Variants in SULF1 observed in about 807,000 individuals in gnomAD.
SULF1 encodes the protein sulfatase 1.
In SULF1, 46 loss-of-function variants were observed where a neutral mutation model predicts 110.5. The ratio of observed to expected loss-of-function variants is 0.42; its 90% CI spans 0.33 to 0.53. The LOEUF (loss-of-function observed/expected upper bound fraction) is 0.53. Among genes scored for constraint, SULF1 ranks in the 20% least tolerant of loss-of-function variants. The pLI is 0.12. For missense variants in SULF1, 941 were observed against 1,094.2 expected, an observed-to-expected ratio of 0.86 and a Z score of 1.98; for synonymous variants, 371 against 387.1, an observed-to-expected ratio of 0.96 and a Z score of 0.49.
chr8:69,642,083 G>A (rs1811522552), intron 22 of SULF1: 2 of 390,214 alleles, frequency 5.1e-6, no homozygotes, highest in Non-Finnish European at 7.0e-6. Flanking sequence ...ATCCACTTGG[G>A]AGAAAAACAT....
chr8:69,649,866 C>G (rs983544477), intron 22 of SULF1, among the ~76,000 whole-genome samples: 1 of 147,442 alleles, frequency 6.8e-6, no homozygotes, highest in Non-Finnish European at 1.5e-5. Context: ...AGTAATTCAT[C>G]TACCAGCTTT....
upstream of SULF1, among the ~76,000 whole-genome samples, chr8:69,491,151 G>A (rs898479652): frequency 6.6e-6 from 1 of 152,158 alleles, no homozygotes; most frequent in Admixed American, 6.5e-5. Context: ...CACCACGGTC[G>A]ATCCAACTAG....
intron 5 of SULF1, among the ~76,000 whole-genome samples, chr8:69,565,929 G>A (rs1005640823): frequency 6.6e-6 from 1 of 151,830 alleles, no homozygotes; most frequent in African/African-American, 2.4e-5. Context: ...CATCCCCTCT[G>A]CCTTTTCCTC....
intron 13 of SULF1, among the ~76,000 whole-genome samples, chr8:69,608,743 C>T (rs182259185): frequency 1.5e-3 from 221 of 152,200 alleles, no homozygotes; most frequent in Non-Finnish European, 2.6e-3. Flanking sequence ...AGAGACTTGG[C>T]ATCACTTCTT....
intron 22 of SULF1, among the ~76,000 whole-genome samples, chr8:69,650,413 C>T (rs1286892332): frequency 2.6e-5 from 4 of 152,076 alleles, no homozygotes; most frequent in African/African-American, 7.2e-5. Flanking sequence ...GGGAGGAATA[C>T]GTGCTTGAGC....
chr8:69,536,225 G>A (rs1813424936), intron 3 of SULF1, among the ~76,000 whole-genome samples: 1 of 152,156 alleles, frequency 6.6e-6, no homozygotes. Context: ...TCTGTTTGGT[G>A]TCAGTGAAGG....
chr8:69,588,858 G>A (rs1586483358), intron 7 of SULF1, 114 bp from the exon 8 acceptor site: 1 of 1,032,730 alleles, frequency 9.7e-7, no homozygotes, highest in South Asian at 1.6e-5. Flanking sequence ...CCTTCCTGCT[G>A]TAGACCTTGC....
chr8:69,538,057 G>A (rs1480407113), intron 3 of SULF1, among the ~76,000 whole-genome samples: 3 of 151,808 alleles, frequency 2.0e-5, no homozygotes, highest in Non-Finnish European at 4.4e-5. Context: ...GCCCCCCGGG[G>A]TTCACGCCAT....
chr8:69,586,303 T>G (rs1586476482), intron 6 of SULF1, 54 bp from the exon 7 acceptor site: 3 of 1,493,980 alleles, frequency 2.0e-6, no homozygotes, highest in Non-Finnish European at 2.7e-6. Flanking sequence ...CTTATCCATT[T>G]ATTTATGATT....
intron 19 of SULF1, among the ~76,000 whole-genome samples, chr8:69,636,018 G>A (rs1810965914): frequency 6.6e-6 from 1 of 152,144 alleles, no homozygotes; most frequent in East Asian, 1.9e-4. Context: ...TGTCTCAAGA[G>A]GTAGCTTTGG....
intron 3 of SULF1, among the ~76,000 whole-genome samples, chr8:69,543,945 G>A (rs1371057862): frequency 6.6e-6 from 1 of 152,174 alleles, no homozygotes; most frequent in Non-Finnish European, 1.5e-5. Context: ...CCAGTGTGCT[G>A]TATATAATCA....
chr8:69,630,013 A>G (rs930352068), intron 19 of SULF1, among the ~76,000 whole-genome samples: 15 of 152,166 alleles, frequency 9.9e-5, no homozygotes, highest in African/African-American at 3.6e-4. Flanking sequence ...CCGTAAATGG[A>G]TGAACAATTT....
At chr8:69,485,786 C>T (rs191400970) in intron 1 of SULF1, among the ~76,000 whole-genome samples, 16 of 152,298 alleles carry the variant, frequency 1.1e-4, no homozygotes, top group Non-Finnish European at 1.6e-4. Flanking sequence ...TATGCCTCTA[C>T]GTACTTACAA....
chr8:69,523,006 A>C (rs190119696), intron 3 of SULF1, among the ~76,000 whole-genome samples: 302 of 152,314 alleles, frequency 2.0e-3, no homozygotes, highest in African/African-American at 7.1e-3. Context: ...AAGCACAGTA[A>C]AATATGTGTT....
rs374058291 is a variant in SULF1 at position 69,589,049 on chromosome 8, C to T, written c.642C>T (p.Pro214=). The T allele has an allele frequency of 7.4e-6, 12 of 1,614,060 alleles. No individual in the cohort carries two copies. The highest frequency in any genetic ancestry group is 6.7e-5 in the Admixed American group (4 of 60,006). The change falls in exon 8 of 23, where the codon CCC becomes CCT. Residue 214 remains proline, a synonymous_variant. Transcript: ENST00000402687. ...CTAAGAGAATGTATCCCCATAGGCCCGTTATGATGGTGATCAGCCACGCTG... is the reference window on the plus strand; with the variant it reads ...CTAAGAGAATGTATCCCCATAGGCCTGTTATGATGGTGATCAGCCACGCTG... ...KMSKRMYPHR[P]VMMVISHAAP... is the part of the protein sequence containing the mutation.
At chr8:69,617,422 TA>T (rs1809261348) in intron 13 of SULF1, among the ~76,000 whole-genome samples, 3 of 79,294 alleles carry the variant, frequency 3.8e-5, no homozygotes, top group East Asian at 3.4e-4. Flanking sequence ...TATATATATA[TA>T]TATATATATA....
chr8:69,494,207 C>T (rs777983053), intron 1 of SULF1, among the ~76,000 whole-genome samples: 9 of 152,348 alleles, frequency 5.9e-5, no homozygotes, highest in Non-Finnish European at 1.3e-4. Flanking sequence ...GCTTTATCAT[C>T]TTTACCTCTA....
chr8:69,504,688 T>A (rs1204799207), intron 3 of SULF1, among the ~76,000 whole-genome samples: 2 of 152,226 alleles, frequency 1.3e-5, no homozygotes, highest in East Asian at 3.8e-4. Flanking sequence ...CTACTTTTTT[T>A]TAATCTTGGG....
chr8:69,600,514 T>A, intron 8 of SULF1, 89 bp from the exon 9 acceptor site: 2 of 1,277,474 alleles, frequency 1.6e-6, no homozygotes, highest in South Asian at 3.2e-5. Flanking sequence ...CAATTATCTC[T>A]CCTTAATGAT....
Sources: gnomAD v4.1 joint callset for allele counts (sites outside exome capture counted in the v4.1 genomes callset) on GRCh38, gnomAD v4.1.1 for gene constraint, MANE v1.5 for transcripts, NCBI Gene and HGNC (gene_info 2026-07-23, HGNC 2026-07-21) for gene names.